The following NARF variants were observed in gnomAD, a reference collection of about 807,000 sequenced individuals.
NARF encodes iron-only hydrogenase-like protein 2.
NARF carries 41 observed loss-of-function variants against 48.0 expected under a neutral mutation model. The ratio of observed to expected loss-of-function variants is 0.85; its 90% CI spans 0.66 to 1.11. The LOEUF (loss-of-function observed/expected upper bound fraction) is 1.11. NARF is among the 50% of genes least tolerant of loss of function. The pLI is 0.00. For missense variants in NARF, 613 were observed against 590.2 expected (o/e 1.04, Z -0.40); for synonymous variants, 215 against 225.5 (o/e 0.95, Z 0.42).
In NARF at chr17:82,472,636, G is replaced by T; in HGVS notation, c.458G>T (p.Arg153Leu). 3 of 1,613,960 alleles carry T rather than the reference G, an allele frequency of 1.9e-6. No homozygotes were observed. Among genetic ancestry groups the T allele is most frequent in the Non-Finnish European group, 2.5e-6 (3 of 1,179,964 alleles). ...SILESQKEFV[R>L]RYRQHSEEER... Reference sequence around the variant, plus strand: ...CTGGAGAGTCAAAAAGAATTCGTGCGTCGCTATCGCCAGCACAGTGAGGAG... The same window carrying T: ...CTGGAGAGTCAAAAAGAATTCGTGCTTCGCTATCGCCAGCACAGTGAGGAG... Residue 153 changes from arginine (R) to leucine (L), a missense_variant, in exon 5 of 11, where the codon CGT (arginine) becomes CTT (leucine). By Grantham distance (102) the Arg-to-Leu change is moderately radical (BLOSUM62 -2). Coordinates refer to ENST00000309794, the MANE Select transcript of NARF (RefSeq NM_012336.4).
chr17:82,488,461 T>C lies in NARF; in HGVS notation c.*304T>C, dbSNP rs143233143. The C allele has an allele frequency of 2.0e-3, 551 of 276,144 alleles. 2 individuals carry two copies. Among genetic ancestry groups the C allele is most frequent in the African/African-American group, 0.011 (520 of 45,484 alleles). The allele number at this position is 276,144 out of a possible 1,614,324, so 17.1% of individuals were successfully genotyped here. On this transcript the variant is annotated 3_prime_UTR_variant, in exon 11 of 11. Transcript: ENST00000309794. The stretch of plus-strand genomic sequence containing the variant: ...CGCAATCTCAGCTCACTGCAACCTC[T>C]GCCTCCCGGGTTCAAGCGATTCTCT...
At chr17:82,482,443 A>AAAATAAAACATGCGCGGTGGGCT (rs1567944588) in intron 7 of NARF, 13 of 69,938 alleles carry the variant, frequency 1.9e-4, no homozygotes, top group African/African-American at 1.1e-3. Context: ...GTGGGCTGTC[A>AAAATAAAACATGCGCGGTGGGCT]GAAGAACCAT....
intron 2 of NARF, chr17:82,460,707 T>A (rs1599812949): frequency 6.6e-6 from 1 of 152,174 alleles, no homozygotes; most frequent in East Asian, 1.9e-4. Flanking sequence ...GAACTTGCAG[T>A]GAGGCAAGAT....
chr17:82,481,944 T>C, intron 7 of NARF: 1 of 322,088 alleles, frequency 3.1e-6, no homozygotes, highest in Non-Finnish European at 6.0e-6. Context: ...GCACGTTTGC[T>C]CCAGTGATAT....
rs2043353333 is a variant in NARF, at chr17:82,458,836, C to A, written c.27+6C>A. 1.4e-6 allele frequency: 2 copies of A among 1,403,584 alleles called. No individual in the cohort carries two copies. The highest frequency in any genetic ancestry group is 9.3e-7 in the Non-Finnish European group (1 of 1,080,068). 86.9% of individuals were successfully genotyped at this position (1,403,584 alleles called of 1,614,324 possible). A position where few individuals can be genotyped will look rare whatever the true frequency, so the allele number is the denominator to read the frequency against. ...GTGAGCACTGCACGCGCAAGGTGAG[C>A]GCCGCGGGCCGGGGAGGCGCGCGCC... On this transcript the variant is annotated splice_donor_region_variant and intron_variant, in intron 1 of 10. Transcript: ENST00000309794.
chr17:82,478,491 G>C, intron 5 of NARF: 3 of 467,120 alleles, frequency 6.4e-6, no homozygotes, highest in South Asian at 4.8e-5. Context: ...CGCTGCTCCT[G>C]CTGCCTTTCA....
intron 1 of NARF, among the ~76,000 whole-genome samples, chr17:82,459,670 G>C (rs1193388710): frequency 6.6e-6 from 1 of 152,156 alleles, no homozygotes; most frequent in Non-Finnish European, 1.5e-5. Flanking sequence ...AGCAGTTCAA[G>C]ACCATCGTGG....
At chr17:82,487,788 CAAT>C in intron 10 of NARF, 125 bp from the exon 11 acceptor site, 1 of 759,770 alleles carries the variant, frequency 1.3e-6, no homozygotes, top group Non-Finnish European at 2.1e-6. Flanking sequence ...CCCTCCCGCC[CAAT>C]CTCTACAAAA....
chr17:82,462,508 C>T (rs750454985), intron 2 of NARF: 1 of 152,418 alleles, frequency 6.6e-6, no homozygotes, highest in Non-Finnish European at 1.5e-5. Flanking sequence ...TGGGCCTGGG[C>T]AAGTCTACCA....
At position 82,481,193 on chromosome 17, in the gene NARF, G is replaced by T; in HGVS notation, c.751G>T (p.Asp251Tyr). 6.2e-7 allele frequency: 1 copy of T among 1,614,040 alleles called. No individual in the cohort carries two copies. Among genetic ancestry groups the T allele is most frequent in the Non-Finnish European group, 8.5e-7 (1 of 1,180,010 alleles). ...PPALHGSRGA[D>Y]CVLTSGEIAQ... Reference sequence around the variant, plus strand: ...TGCTTTGCATGGCTCCCGGGGCGCTGACTGCGTGTTAACATCAGGTGAGAG... The same window carrying T: ...TGCTTTGCATGGCTCCCGGGGCGCTTACTGCGTGTTAACATCAGGTGAGAG... The change falls in exon 7 of 11, where the codon GAC becomes TAC. Residue 251 changes from aspartate (D) to tyrosine (Y), a missense_variant. Transcript: ENST00000309794.
intron 2 of NARF, 90 bp from the exon 3 acceptor site, chr17:82,464,197 G>A: frequency 1.3e-6 from 2 of 1,497,624 alleles, no homozygotes; most frequent in South Asian, 1.3e-5. Context: ...AATGTTTACT[G>A]TGAATTCTGT....
At chr17:82,478,976 G>A in intron 6 of NARF, 58 bp downstream of exon 6, 1 of 1,507,878 alleles carries the variant, frequency 6.6e-7, no homozygotes, top group Non-Finnish European at 9.1e-7. Context: ...ATGGCACAGG[G>A]GCCCAGGAAG....
rs756254472 is a variant in NARF at position 82,487,945 on chromosome 17, A to C, written c.1159A>C (p.Thr387Pro). 3 of 1,613,996 alleles carry C rather than the reference A, an allele frequency of 1.9e-6. No individual in the cohort carries two copies. In the African/African-American group the frequency reaches 4.0e-5, roughly 22 times the overall value. ...CTTAAATGGCAGAGGCCAAGCCCAGACTCCAGACGGACATGCGGATAAGGC... is the reference window on the plus strand; with the variant it reads ...CTTAAATGGCAGAGGCCAAGCCCAGCCTCCAGACGGACATGCGGATAAGGC... ...GCLNGRGQAQ[T>P]PDGHADKALL... The change falls in exon 11 of 11, where the codon ACT becomes CCT. Residue 387 changes from threonine to proline, a missense_variant. Thr to Pro is a conservative substitution (Grantham distance 38, BLOSUM62 -1). Coordinates refer to ENST00000309794, the MANE Select transcript of NARF (RefSeq NM_012336.4).
chr17:82,458,429 G>A (rs2043337566), upstream of NARF: 2 of 219,490 alleles, frequency 9.1e-6, no homozygotes, highest in Admixed American at 5.9e-5. Context: ...ACTCCCTGGT[G>A]AACGCCGCTT....
In NARF at chr17:82,490,336, C is replaced by G. The variant is rs2044174513; in HGVS notation, c.*2179C>G. On this transcript the variant is annotated 3_prime_UTR_variant, in exon 11 of 11. Coordinates refer to ENST00000309794, the MANE Select transcript of NARF (RefSeq NM_012336.4). ...TTCCCAGCCCTCCGTGCTGCAGAGC[C>G]TCTGCTCGCTAGGCTGCCTTCATCT... 1 of 152,306 alleles carries G rather than the reference C, an allele frequency of 6.6e-6. No individual in the cohort carries two copies. The highest frequency in any genetic ancestry group is 2.4e-5 in the African/African-American group (1 of 41,466). 9.4% of individuals were successfully genotyped at this position (152,306 alleles called of 1,614,324 possible).
chr17:82,487,815 G>GC, intron 10 of NARF, 101 bp from the exon 11 acceptor site: 2 of 818,028 alleles, frequency 2.4e-6, no homozygotes, highest in East Asian at 5.3e-5. Flanking sequence ...TTAAAAATCA[G>GC]CCGGGCAAGG....
chr17:82,477,794 G>A (rs1386857070), intron 5 of NARF: 3 of 152,264 alleles, frequency 2.0e-5, no homozygotes, highest in East Asian at 1.9e-4. Flanking sequence ...GATTACAGGC[G>A]TGAGCTACTG....
chr17:82,459,667 C>G (rs913219407), intron 1 of NARF, among the ~76,000 whole-genome samples: 2 of 151,974 alleles, frequency 1.3e-5, no homozygotes, highest in African/African-American at 2.4e-5. Flanking sequence ...GTCAGCAGTT[C>G]AAGACCATCG....
Position 82,472,090 on chromosome 17 carries a change from T to TA in NARF, c.386-472dup, listed in dbSNP as rs768338582. ...TTGAACTTAGGCCGTTAGGAATAGA[T>TA]AAGAACCAAGACTGATTTTATTATC... On this transcript the variant is annotated intron_variant, in intron 4 of 10. Transcript: ENST00000309794. Among the ~76,000 whole-genome samples the TA allele has an allele frequency of 2.6e-5, 4 of 152,184 alleles. No individual in the cohort carries two copies. In the South Asian group the frequency reaches 8.3e-4, roughly 32 times the overall value.
Sources: gnomAD v4.1 joint callset for allele counts (sites outside exome capture counted in the v4.1 genomes callset) on GRCh38, gnomAD v4.1.1 for gene constraint, MANE v1.5 for transcripts, NCBI Gene and HGNC (gene_info 2026-07-23, HGNC 2026-07-21) for gene names.